DNAH10: variants seen among roughly 807,000 people sequenced by gnomAD.
DNAH10 encodes the protein dynein axonemal heavy chain 10.
A neutral mutation model predicts 506.6 loss-of-function variants in DNAH10; 348 were observed. That is an observed-to-expected ratio of 0.69 (90% CI 0.63 to 0.75). The LOEUF (loss-of-function observed/expected upper bound fraction) is 0.75, where lower values mean the gene tolerates loss of function less well. DNAH10 is among the 30% of genes least tolerant of loss of function. The pLI is 0.00. For synonymous variants in DNAH10, 2,059 were observed against 2,198.6 expected, an observed-to-expected ratio of 0.94 and a Z score of 1.78; for missense variants, 5,179 against 5,787.1, an observed-to-expected ratio of 0.89 and a Z score of 3.41.
chr12:123,813,344 CA>C lies in DNAH10; in HGVS notation c.3330del (p.Lys1110AsnfsTer16). The C allele has an allele frequency of 6.2e-7, 1 of 1,614,188 alleles. No individual in the cohort carries two copies. Among genetic ancestry groups the C allele is most frequent in the Non-Finnish European group, 8.5e-7 (1 of 1,180,030 alleles). On this transcript the variant is annotated frameshift_variant, in exon 20 of 79. Coordinates refer to ENST00000673944, the MANE Select transcript of DNAH10 (RefSeq NM_001372106.1). LOFTEE classifies it high-confidence loss of function. ...RILINLMKYL[Q>X]KWKRYRPLWK... ...TCTGATCAATCTTATGAAGTATCTACAAAAATGGAAGCGGTATCGACCTCTC... is the reference window on the plus strand; with the variant it reads ...TCTGATCAATCTTATGAAGTATCTACAAAATGGAAGCGGTATCGACCTCTC...
intron 40 of DNAH10, among the ~76,000 whole-genome samples, chr12:123,865,263 ATT>A (rs35559704): frequency 5.6e-4 from 83 of 147,306 alleles, no homozygotes; most frequent in African/African-American, 1.6e-3. Flanking sequence ...TTTTAATCTC[ATT>A]TTTTTTTTTA....
At position 123,898,671 on chromosome 12, in the gene DNAH10, A is replaced by T; in HGVS notation, c.9497A>T (p.Asp3166Val). ...TCCTCAGCTCAGTGCAAGCGTCTGG[A>T]TGGGGGACTGGACAAGCTGAAGGAG... is the stretch of plus-strand genomic sequence containing the variant. The part of the protein sequence containing the change: ...QCNIAQCKRL[D>V]GGLDKLKEAT... Residue 3166 changes from aspartate to valine, a missense_variant, in exon 56 of 79, where the codon GAT becomes GTT. Asp to Val is a radical substitution (Grantham distance 152). Coordinates refer to ENST00000673944, the MANE Select transcript of DNAH10 (RefSeq NM_001372106.1). 4 of 1,590,122 alleles carry T rather than the reference A, an allele frequency of 2.5e-6. No individual in the cohort carries two copies. Among genetic ancestry groups the T allele is most frequent in the Non-Finnish European group, 3.4e-6 (4 of 1,168,480 alleles).
chr12:123,909,397 A>G lies in DNAH10; in HGVS notation c.9952A>G (p.Ile3318Val), dbSNP rs1953963720. 6.2e-7 allele frequency: 1 copy of G among 1,609,284 alleles called. No homozygotes were observed. Among genetic ancestry groups the G allele is most frequent in the Non-Finnish European group, 8.5e-7 (1 of 1,177,616 alleles). ...GAATTTCCTGCGGTCTCTGATGGAGATTGATTTTGATTCGATTACCCAGAG... is the reference window on the plus strand; with the variant it reads ...GAATTTCCTGCGGTCTCTGATGGAGGTTGATTTTGATTCGATTACCCAGAG... ...DPNFLRSLME[I>V]DFDSITQSQV... The change falls in exon 58 of 79, where the codon ATT becomes GTT. Residue 3318 changes from isoleucine (I) to valine (V), a missense_variant. Physicochemically the swap from Ile to Val is conservative, Grantham distance 29 (BLOSUM62 3). Around this residue, in one of 3 missense-constraint regions of DNAH10, gnomAD observed 4,844 missense variants for 5,430.5 expected, o/e 0.89. Coordinates refer to ENST00000673944, the MANE Select transcript of DNAH10 (RefSeq NM_001372106.1). The surrounding 1 kb of genome is among the most constrained non-coding windows in gnomAD (Gnocchi z 5.4).
chr12:123,813,298 C>T lies in DNAH10; in HGVS notation c.3279C>T (p.Ile1093=), dbSNP rs1959014390. 1.2e-6 allele frequency: 2 copies of T among 1,613,994 alleles called. No homozygotes were observed. Among genetic ancestry groups the T allele is most frequent in the South Asian group, 1.1e-5 (1 of 91,090 alleles). The part of the protein sequence containing the change: ...NPQIIEQAVM[I]PQNVHRILIN... ...AGATAATTGAACAAGCTGTTATGAT[C>T]CCCCAAAATGTCCACAGGATTCTGA... Residue 1093 remains isoleucine, a synonymous_variant, in exon 20 of 79, where the codon ATC becomes ATT. Coordinates refer to ENST00000673944, the MANE Select transcript of DNAH10 (RefSeq NM_001372106.1).
rs756590176 is a variant in DNAH10 at position 123,893,443 on chromosome 12, G to A, written c.9199+7G>A. 26 of 1,611,974 alleles carry A rather than the reference G, an allele frequency of 1.6e-5. No homozygotes were observed. Among genetic ancestry groups the A allele is most frequent in the East Asian group, 6.7e-5 (3 of 44,880 alleles). On this transcript the variant is annotated splice_region_variant and intron_variant, in intron 53 of 78. Coordinates refer to ENST00000673944, the MANE Select transcript of DNAH10 (RefSeq NM_001372106.1). ...TGGTGCAGAAACTTCCCAGGTACCC[G>A]CGGTGGAGCCTGTGAACCCATTTCC...
intron 6 of DNAH10, among the ~76,000 whole-genome samples, chr12:123,781,591 G>A (rs777395698): frequency 2.0e-5 from 3 of 151,826 alleles, no homozygotes; most frequent in East Asian, 1.9e-4. Context: ...TCAGCCCCCC[G>A]AGTAGCTGGG....
chr12:123,863,173 C>T (rs1220171136), intron 39 of DNAH10, among the ~76,000 whole-genome samples: 1 of 152,210 alleles, frequency 6.6e-6, no homozygotes, highest in Non-Finnish European at 1.5e-5. Context: ...ACCATTTCAG[C>T]ACAGTAGAAT....
At chr12:123,888,799 A>G (rs1279330377) in intron 52 of DNAH10, among the ~76,000 whole-genome samples, 2 of 152,166 alleles carry the variant, frequency 1.3e-5, no homozygotes, top group Admixed American at 1.3e-4. Flanking sequence ...CAGGATTTTT[A>G]GCATCTTAGC....
intron 46 of DNAH10, among the ~76,000 whole-genome samples, 199 bp downstream of exon 46, chr12:123,873,909 G>T (rs1952135315): frequency 6.6e-6 from 1 of 152,144 alleles, no homozygotes; most frequent in Admixed American, 6.5e-5. Context: ...ACCTTTCCCT[G>T]ACTGATCATG....
rs370950682 is a variant in DNAH10 at position 123,902,878 on chromosome 12, G to A, written c.9641-61G>A. 1.1e-5 allele frequency: 16 copies of A among 1,510,784 alleles called. No homozygotes were observed. The highest frequency in any genetic ancestry group is 2.1e-5 in the Admixed American group (1 of 47,044). 93.6% of individuals were successfully genotyped at this position (1,510,784 alleles called of 1,614,324 possible). A position where few individuals can be genotyped will look rare whatever the true frequency, so the allele number is the denominator to read the frequency against. On this transcript the variant is annotated intron_variant, in intron 56 of 78. Transcript: ENST00000673944. The surrounding 1 kb of genome is among the most constrained non-coding windows in gnomAD (Gnocchi z 4.5). ...TGAGGACTGCACTCTGCTCAGAGCC[G>A]GGGCCGCGAGTGCATCTCCTCTGAG...
At chr12:123,848,677 T>A in intron 33 of DNAH10, 53 bp from the exon 34 acceptor site, 1 of 1,604,994 alleles carries the variant, frequency 6.2e-7, no homozygotes, top group East Asian at 2.2e-5. Flanking sequence ...AATGTGTTGC[T>A]TGCAGTTTTA....
rs1382684180 is a variant in DNAH10, at chr12:123,865,974, C to T, written c.7068C>T (p.Ser2356=). 15 of 1,606,246 alleles carry T rather than the reference C, an allele frequency of 9.3e-6. No individual in the cohort carries two copies. Among genetic ancestry groups the T allele is most frequent in the Non-Finnish European group, 1.3e-5 (15 of 1,177,238 alleles). Residue 2356 remains serine (S), a synonymous_variant, in exon 41 of 79, where the codon TCC becomes TCT. Coordinates refer to ENST00000673944, the MANE Select transcript of DNAH10 (RefSeq NM_001372106.1). ...AGGTTGGAGATTTACAGTATGCCTCCCCTGCAACTGTCTCTCGATGTGGAA... is the reference window on the plus strand; with the variant it reads ...AGGTTGGAGATTTACAGTATGCCTCTCCTGCAACTGTCTCTCGATGTGGAA... The part of the protein sequence containing the change: ...LFEVGDLQYA[S]PATVSRCGMV...
intron 46 of DNAH10, among the ~76,000 whole-genome samples, chr12:123,874,685 T>C (rs1952179363): frequency 6.6e-6 from 1 of 152,256 alleles, no homozygotes; most frequent in Non-Finnish European, 1.5e-5. Context: ...TATGAATTAA[T>C]TACCCAATGT....
At chr12:123,769,185 A>G (rs1957157970) in intron 2 of DNAH10, among the ~76,000 whole-genome samples, 1 of 151,468 alleles carries the variant, frequency 6.6e-6, no homozygotes, top group Non-Finnish European at 1.5e-5. Context: ...TTGCTCTGTC[A>G]CCCAGGCTGG....
At chr12:123,893,162 A>G in intron 52 of DNAH10, 71 bp from the exon 53 acceptor site, 1 of 1,463,798 alleles carries the variant, frequency 6.8e-7, no homozygotes, top group Non-Finnish European at 9.4e-7. Context: ...ACCTTCCATC[A>G]CTCAGTCAGC....
intron 27 of DNAH10, 141 bp downstream of exon 27, chr12:123,833,488 CTTGAT>C: frequency 1.4e-6 from 1 of 693,436 alleles, no homozygotes; most frequent in South Asian, 2.0e-5. Flanking sequence ...ACTTTTTTGT[CTTGAT>C]TTATTTTGAG....
rs1462412668 is a variant in DNAH10, at chr12:123,913,141, T to C, written c.10178T>C (p.Leu3393Pro). The stretch of plus-strand genomic sequence containing the variant: ...AATTTTTACCTCACTAAACGGGAAC[T>C]GGAAAGGATCCAGAATGAGTTGGCA... ...ERNFYLTKRE[L>P]ERIQNELAAI... is the part of the protein sequence containing the mutation. The change falls in exon 60 of 79, where the codon CTG (leucine) becomes CCG (proline). Residue 3393 changes from leucine to proline, a missense_variant. Transcript: ENST00000673944. This position sits in a 1 kb window ranked among gnomAD's most constrained non-coding sequence, Gnocchi z 5.1. The C allele has an allele frequency of 1.2e-6, 2 of 1,612,008 alleles. No homozygotes were observed. The highest frequency in any genetic ancestry group is 1.7e-5 in the Admixed American group (1 of 59,870).
chr12:123,866,592 T>C (rs1308544572), intron 41 of DNAH10, among the ~76,000 whole-genome samples: 2 of 152,024 alleles, frequency 1.3e-5, no homozygotes, highest in African/African-American at 4.8e-5. Flanking sequence ...TAGGTAATGA[T>C]TGGATTGGTT....
At chr12:123,906,930 A>G (rs1049979251) in intron 57 of DNAH10, among the ~76,000 whole-genome samples, 10 of 152,244 alleles carry the variant, frequency 6.6e-5, no homozygotes, top group African/African-American at 9.6e-5. Flanking sequence ...TGTTTCTCTA[A>G]CTATAAAACT....
Sources: gnomAD v4.1 joint callset for allele counts (sites outside exome capture counted in the v4.1 genomes callset) on GRCh38, gnomAD v4.1.1 for gene constraint, gnomAD v4.1.1 regional missense constraint, Gnocchi (gnomAD v3.1) non-coding constraint, MANE v1.5 for transcripts, NCBI Gene and HGNC (gene_info 2026-07-23, HGNC 2026-07-21) for gene names.